The following COL4A2 variants were observed in gnomAD, a reference collection of about 807,000 sequenced individuals.
The protein encoded by COL4A2 is collagen alpha-2(IV) chain.
COL4A2 carries 99 observed loss-of-function variants against 200.2 expected under a neutral mutation model. That is an observed-to-expected ratio of 0.49 (90% confidence interval 0.42 to 0.58). The LOEUF (loss-of-function observed/expected upper bound fraction) is 0.58, where lower values mean the gene tolerates loss of function less well. Ranked by LOEUF, COL4A2 falls within the 20% of genes least tolerant of loss-of-function variation. The pLI is 0.00. For synonymous variants in COL4A2, 897 were observed against 900.6 expected (o/e 1.00, Z 0.07); for missense variants, 1,950 against 2,314.1 (o/e 0.84, Z 3.23).
At chr13:110,345,871 G>A (rs1318454167) in intron 3 of COL4A2, among the ~76,000 whole-genome samples, 1 of 152,216 alleles carries the variant, frequency 6.6e-6, no homozygotes, top group African/African-American at 2.4e-5. Flanking sequence ...GCCTGGGCAT[G>A]TGTACCTGTG....
chr13:110,449,970 G>A (rs1281650699), intron 19 of COL4A2, among the ~76,000 whole-genome samples, 181 bp downstream of exon 19: 7 of 152,156 alleles, frequency 4.6e-5, no homozygotes, highest in Non-Finnish European at 8.8e-5. Flanking sequence ...CAGAACCCTC[G>A]CACATATGAC....
chr13:110,364,800 CA>C (rs1186361058), intron 4 of COL4A2, among the ~76,000 whole-genome samples: 4 of 152,190 alleles, frequency 2.6e-5, no homozygotes, highest in Non-Finnish European at 5.9e-5. Context: ...CCCCTGGCTC[CA>C]AACTCAACGG....
At chr13:110,486,364 T>C (rs1299474000) in intron 34 of COL4A2, among the ~76,000 whole-genome samples, 1 of 152,196 alleles carries the variant, frequency 6.6e-6, no homozygotes, top group Admixed American at 6.5e-5. Flanking sequence ...ACCTTCTCCC[T>C]CAGCTGCAGA....
At chr13:110,428,320 C>T in intron 6 of COL4A2, 147 bp from the exon 7 acceptor site, 1 of 592,018 alleles carries the variant, frequency 1.7e-6, no homozygotes, top group South Asian at 2.3e-5. Flanking sequence ...ATCTTTCATT[C>T]ATTCATTTGT....
At chr13:110,483,579 C>T (rs1883007220) in intron 32 of COL4A2, among the ~76,000 whole-genome samples, 1 of 152,250 alleles carries the variant, frequency 6.6e-6, no homozygotes, top group South Asian at 2.1e-4. Flanking sequence ...ATGGGGCTCT[C>T]AGACATGGCG....
At chr13:110,413,441 C>T (rs1392551700) in intron 4 of COL4A2, among the ~76,000 whole-genome samples, 1 of 152,180 alleles carries the variant, frequency 6.6e-6, no homozygotes, top group Admixed American at 6.5e-5. Flanking sequence ...CCCCGGCCGC[C>T]TCCTCCAGTT....
At chr13:110,433,877 G>A (rs1880775533) in intron 11 of COL4A2, among the ~76,000 whole-genome samples, 1 of 152,080 alleles carries the variant, frequency 6.6e-6, no homozygotes, top group African/African-American at 2.4e-5. Context: ...AGGTAAAAAA[G>A]GAAGACAAAA....
At chr13:110,308,177 T>C (rs1884855048) in intron 3 of COL4A2, 54 bp downstream of exon 3, 1 of 1,601,850 alleles carries the variant, frequency 6.2e-7, no homozygotes, top group South Asian at 1.1e-5. Context: ...GTTGGGACGT[T>C]TGAGTGGCCT....
Position 110,449,711 on chromosome 13 carries a change from C to G in COL4A2, c.1111C>G (p.Gln371Glu). The G allele has an allele frequency of 2.6e-6, 4 of 1,549,866 alleles. No homozygotes were observed. Among genetic ancestry groups the G allele is most frequent in the Middle Eastern group, 1.9e-4 (1 of 5,286 alleles). Residue 371 changes from glutamine (Q) to glutamate (E), a missense_variant, in exon 19 of 48, where the codon CAA becomes GAA. Coordinates refer to ENST00000360467, the MANE Select transcript of COL4A2 (RefSeq NM_001846.4). Reference protein sequence around the residue: ...ARGDPGFPGAQGEPGSQGEPG... With the variant: ...ARGDPGFPGAEGEPGSQGEPG... ...AGGTGACCCGGGATTCCCAGGGGCCCAAGGGGAGCCAGGAAGCCAGGGTGA... is the reference window on the plus strand; with the variant it reads ...AGGTGACCCGGGATTCCCAGGGGCCGAAGGGGAGCCAGGAAGCCAGGGTGA...
chr13:110,463,287 T>G (rs1882106503), intron 24 of COL4A2: 1 of 152,274 alleles, frequency 6.6e-6, no homozygotes, highest in Non-Finnish European at 1.5e-5. Context: ...TCTGTGTGTC[T>G]GTCTCTGGGC....
intron 4 of COL4A2, among the ~76,000 whole-genome samples, chr13:110,422,059 C>T (rs373976016): frequency 1.3e-5 from 2 of 152,164 alleles, no homozygotes; most frequent in South Asian, 2.1e-4. Context: ...TAATAATAAT[C>T]CCACTGGATA....
Position 110,357,518 on chromosome 13 carries a change from G to A in COL4A2, c.146G>A (p.Gly49Glu), listed in dbSNP as rs776901298. The A allele has an allele frequency of 2.5e-6, 4 of 1,592,846 alleles. No homozygotes were observed. Among genetic ancestry groups the A allele is most frequent in the Admixed American group, 1.7e-5 (1 of 58,454 alleles). The change falls in exon 4 of 48, where the codon GGG becomes GAG. Residue 49 changes from glycine to glutamate, a missense_variant. Gly to Glu is a moderately conservative substitution (Grantham distance 98). Coordinates refer to ENST00000360467, the MANE Select transcript of COL4A2 (RefSeq NM_001846.4). The part of the protein sequence containing the change: ...DVPCGGRDCS[G>E]GCQCYPEKGG... The stretch of plus-strand genomic sequence containing the variant: ...CCGTGTGGAGGAAGAGATTGCAGTG[G>A]GGGCTGCCAGTGCTACCCTGAGAAA...
intron 4 of COL4A2, among the ~76,000 whole-genome samples, chr13:110,364,839 T>C (rs1014037113): frequency 1.3e-5 from 2 of 152,208 alleles, no homozygotes; most frequent in African/African-American, 4.8e-5. Context: ...TGGTAACTGC[T>C]AGGCACATGC....
chr13:110,308,229 G>A, intron 3 of COL4A2, 106 bp downstream of exon 3: 1 of 1,274,646 alleles, frequency 7.8e-7, no homozygotes, highest in South Asian at 1.2e-5. Flanking sequence ...GTGTGTGTGT[G>A]CGTGTGGATG....
At chr13:110,384,456 GTC>G (rs1290416223) in intron 4 of COL4A2, among the ~76,000 whole-genome samples, 1 of 152,216 alleles carries the variant, frequency 6.6e-6, no homozygotes, top group African/African-American at 2.4e-5. Flanking sequence ...TCAGTGGGGA[GTC>G]ACACGTCAGA....
intron 3 of COL4A2, among the ~76,000 whole-genome samples, chr13:110,308,525 T>A (rs1884874397): frequency 6.6e-6 from 1 of 152,126 alleles, no homozygotes. Context: ...GGAGTCTCTG[T>A]CACGGACTGA....
chr13:110,451,948 T>C (rs1440597024), intron 20 of COL4A2, among the ~76,000 whole-genome samples: 1 of 152,266 alleles, frequency 6.6e-6, no homozygotes, highest in Non-Finnish European at 1.5e-5. Context: ...TCATAGTCTC[T>C]TTCTGTGTGA....
Position 110,462,313 on chromosome 13 carries a change from G to A in COL4A2, c.1705G>A (p.Gly569Arg), listed in dbSNP as rs765791292. ...ACAGCCCGGCGTCCCAGGTGTGCCC[G>A]GGATGAAAGGTGACGATGGCAGCCC... The part of the protein sequence containing the change: ...RGQPGVPGVP[G>R]MKGDDGSPGR... The change falls in exon 24 of 48, where the codon GGG becomes AGG. Residue 569 changes from glycine (G) to arginine (R), a missense_variant. Transcript: ENST00000360467. 5.0e-6 allele frequency: 8 copies of A among 1,614,222 alleles called. No individual in the cohort carries two copies. Among genetic ancestry groups the A allele is most frequent in the South Asian group, 1.1e-5 (1 of 91,080 alleles).
chr13:110,496,740 G>C (rs1280189337), intron 40 of COL4A2, among the ~76,000 whole-genome samples: 1 of 150,836 alleles, frequency 6.6e-6, no homozygotes, highest in African/African-American at 2.4e-5. Context: ...TCTAAGGTCA[G>C]TCCACCAGCA....
Sources: allele counts gnomAD v4.1 joint callset (sites outside exome capture counted in the v4.1 genomes callset), GRCh38; gene constraint gnomAD v4.1.1; transcripts MANE v1.5; gene names NCBI Gene and HGNC (gene_info 2026-07-23, HGNC 2026-07-21).